SLFN5: variants seen among roughly 807,000 people sequenced by gnomAD.
The protein encoded by SLFN5 is schlafen family member 5.
A neutral mutation model predicts 48.5 loss-of-function variants in SLFN5; 34 were observed. The observed-to-expected ratio is 0.70, with a 90% CI of 0.53 to 0.93. The LOEUF is 0.93. Ranked by LOEUF, SLFN5 falls within the 40% of genes least tolerant of loss-of-function variation. The pLI is 0.00. For synonymous variants in SLFN5, 387 were observed against 396.2 expected (o/e 0.98, Z 0.28); for missense variants, 1,006 against 1,071.3 (o/e 0.94, Z 0.85).
chr17:35,260,480 T>C (rs1258342483), intron 2 of SLFN5, among the ~76,000 whole-genome samples: 1 of 152,056 alleles, frequency 6.6e-6, no homozygotes, highest in African/African-American at 2.4e-5. Flanking sequence ...ACTCCAGCAC[T>C]TTGGGAGGCC....
At position 35,264,908 on chromosome 17, in the gene SLFN5, G is replaced by A. The variant is rs190252725; in HGVS notation, c.1859+5G>A. Reference sequence around the variant, plus strand: ...GCCCCTGAAGAAGTTGGTGAGGTATGCTGCTTGTCTGTGTTCACTTTATTT... The same window carrying A: ...GCCCCTGAAGAAGTTGGTGAGGTATACTGCTTGTCTGTGTTCACTTTATTT... On this transcript the variant is annotated splice_donor_5th_base_variant and intron_variant, in intron 4 of 4. Coordinates refer to ENST00000299977, the MANE Select transcript of SLFN5 (RefSeq NM_144975.4). The A allele has an allele frequency of 3.0e-3, 4,693 of 1,549,988 alleles. 15 individuals are homozygous for A. The highest frequency in any genetic ancestry group is 4.5e-3 in the South Asian group (346 of 77,390).
Position 35,260,193 on chromosome 17 carries a change from C to T in SLFN5, c.1012+491C>T, listed in dbSNP as rs375561815. Among the ~76,000 whole-genome samples, 10 of 152,270 alleles carry T rather than the reference C, an allele frequency of 6.6e-5. No homozygotes were observed. The East Asian group carries it at 1.5e-3, about 23-fold the overall frequency. ...CAAAATATGACCAAATCACGGCTTT[C>T]GCTCTGCTTTCCCATTTTTCCTTTG... On this transcript the variant is annotated intron_variant, in intron 2 of 4. Transcript: ENST00000299977.
At chr17:35,265,036 T>C in intron 4 of SLFN5, 36 bp from the exon 5 acceptor site, 1 of 1,574,972 alleles carries the variant, frequency 6.3e-7, no homozygotes, top group South Asian at 1.2e-5. Context: ...GCTTTCTTTG[T>C]TTCATTGGGG....
rs751252085 is a variant in SLFN5 at position 35,265,086 on chromosome 17, A to G, written c.1874A>G (p.Asn625Ser). Residue 625 changes from asparagine (N) to serine (S), a missense_variant, in exon 5 of 5, where the codon AAC becomes AGC. Physicochemically the swap from Asn to Ser is conservative, Grantham distance 46. Transcript: ENST00000299977. The stretch of plus-strand genomic sequence containing the variant: ...GTTTCTTACAGTTTCAGCAAGAAAA[A>G]CATCTGCCAGCCAGTGACCCGGAAA... ...LKKLVSFSKKNICQPVTRKTF... is the reference protein window; with the variant it reads ...LKKLVSFSKKSICQPVTRKTF... The G allele has an allele frequency of 6.8e-6, 11 of 1,609,282 alleles. No homozygotes were observed. In the Admixed American group the frequency reaches 1.2e-4, roughly 17 times the overall value.
intron 3 of SLFN5, among the ~76,000 whole-genome samples, chr17:35,263,345 G>C (rs1019633962): frequency 1.3e-5 from 2 of 151,542 alleles, no homozygotes; most frequent in African/African-American, 4.8e-5. Flanking sequence ...TGGCCAGGCT[G>C]GTGTTGAACT....
At chr17:35,248,983 G>T (rs2092436628) in intron 1 of SLFN5, among the ~76,000 whole-genome samples, 1 of 151,916 alleles carries the variant, frequency 6.6e-6, no homozygotes, top group South Asian at 2.1e-4. Context: ...AAAAAGTAAG[G>T]CAAAGTCTCC....
chr17:35,254,939 C>A (rs1280999304), intron 1 of SLFN5, among the ~76,000 whole-genome samples: 6 of 152,138 alleles, frequency 3.9e-5, no homozygotes, highest in Non-Finnish European at 8.8e-5. Context: ...ATCACTTGAA[C>A]CCAGGAGGCA....
Position 35,264,575 on chromosome 17 carries a change from T to A in SLFN5, c.1531T>A (p.Leu511Ile), listed in dbSNP as rs372987761. 26 of 1,614,170 alleles carry A rather than the reference T, an allele frequency of 1.6e-5. No individual in the cohort carries two copies. The highest frequency in any genetic ancestry group is 2.0e-5 in the Non-Finnish European group (24 of 1,180,036). ...AGCACAGAGCGTTTACAGTTCGTAT[T>A]TACAAATTTACCCTGAATCCTATAA... Reference protein sequence around the residue: ...RKAQSVYSSYLQIYPESYNFM... With the variant: ...RKAQSVYSSYIQIYPESYNFM... The change falls in exon 4 of 5, where the codon TTA becomes ATA. Residue 511 changes from leucine to isoleucine, a missense_variant. By Grantham distance (5) the Leu-to-Ile change is conservative (BLOSUM62 2). Transcript: ENST00000299977.
intron 1 of SLFN5, among the ~76,000 whole-genome samples, chr17:35,255,774 C>T (rs921504288): frequency 1.5e-4 from 23 of 152,174 alleles, no homozygotes; most frequent in African/African-American, 5.6e-4. Flanking sequence ...TGTATTCACT[C>T]CAGATTAAGA....
rs778987704 is a variant in SLFN5 at position 35,265,349 on chromosome 17, C to T, written c.2137C>T (p.Arg713Cys). 9.9e-6 allele frequency: 16 copies of T among 1,614,006 alleles called. No homozygotes were observed. The highest frequency in any genetic ancestry group is 4.4e-5 in the South Asian group (4 of 91,074). Residue 713 changes from arginine to cysteine, a missense_variant, in exon 5 of 5, where the codon CGC (arginine) becomes TGC (cysteine). Arg to Cys is a radical substitution (Grantham distance 180, BLOSUM62 -3). Coordinates refer to ENST00000299977, the MANE Select transcript of SLFN5 (RefSeq NM_144975.4). ...AAGAGAAGAGATCAACAGAGTGGTC[C>T]GCAATGCAGGTCCAATAGCTAATTA... ...YPREEINRVV[R>C]NAGPIANYLQ...
At chr17:35,252,029 C>A (rs185018021) in intron 1 of SLFN5, among the ~76,000 whole-genome samples, 1 of 151,964 alleles carries the variant, frequency 6.6e-6, no homozygotes, top group Non-Finnish European at 1.5e-5. Flanking sequence ...CTTGCTGGCA[C>A]CAAATTATTT....
At chr17:35,249,014 T>C (rs1597645178) in intron 1 of SLFN5, among the ~76,000 whole-genome samples, 1 of 152,236 alleles carries the variant, frequency 6.6e-6, no homozygotes. Flanking sequence ...ACCCAAATCA[T>C]TTCTAATAAA....
intron 1 of SLFN5, among the ~76,000 whole-genome samples, chr17:35,255,012 G>A (rs778876154): frequency 6.6e-6 from 1 of 152,018 alleles, no homozygotes; most frequent in Admixed American, 6.6e-5. Context: ...GCGAGGCTCT[G>A]TCTCAAAAAA....
At position 35,271,584 on chromosome 17, in the gene SLFN5, AAAG is replaced by A. The variant is rs1232453315; in HGVS notation, c.*5699_*5701del. The A allele has an allele frequency of 6.6e-6, 1 of 152,230 alleles. No individual in the cohort carries two copies. The highest frequency in any genetic ancestry group is 2.4e-5 in the African/African-American group (1 of 41,468). The allele number at this position is 152,230 out of a possible 1,614,324, so 9.4% of individuals were successfully genotyped here. ...ATACAATGAAACTAAAGAGCACAAA[AAAG>A]AACTTAAACAGATAAAAAGCAGACC... On this transcript the variant is annotated 3_prime_UTR_variant, in exon 5 of 5. Transcript: ENST00000299977.
intron 1 of SLFN5, among the ~76,000 whole-genome samples, chr17:35,243,389 G>T (rs1038080369): frequency 2.0e-5 from 3 of 152,226 alleles, no homozygotes; most frequent in African/African-American, 7.2e-5. Context: ...GCGAGCTGGG[G>T]AGGAGGGAGA....
chr17:35,260,186 C>T (rs183316169), intron 2 of SLFN5, among the ~76,000 whole-genome samples: 92 of 152,240 alleles, frequency 6.0e-4, no homozygotes, highest in Non-Finnish European at 8.8e-4. Context: ...GACCAAATCA[C>T]GGCTTTCGCT....
Position 35,265,990 on chromosome 17 carries a change from A to G in SLFN5, c.*102A>G, listed in dbSNP as rs1904673752. ...TAAGCACACACTCACTTATTAAGTCACATACTTTTCTAGGTGCTGGGGATT... is the reference window on the plus strand; with the variant it reads ...TAAGCACACACTCACTTATTAAGTCGCATACTTTTCTAGGTGCTGGGGATT... On this transcript the variant is annotated 3_prime_UTR_variant, in exon 5 of 5. Transcript: ENST00000299977. 1 of 1,276,116 alleles carries G rather than the reference A, an allele frequency of 7.8e-7. No homozygotes were observed. The highest frequency in any genetic ancestry group is 1.1e-6 in the Non-Finnish European group (1 of 940,146). 79.0% of individuals were successfully genotyped at this position (1,276,116 alleles called of 1,614,324 possible). A position where few individuals can be genotyped will look rare whatever the true frequency, so the allele number is the denominator to read the frequency against.
In SLFN5 at chr17:35,264,524, G is replaced by A; in HGVS notation, c.1480G>A (p.Val494Ile). The change falls in exon 4 of 5, where the codon GTC becomes ATC. Residue 494 changes from valine (V) to isoleucine (I), a missense_variant. Coordinates refer to ENST00000299977, the MANE Select transcript of SLFN5 (RefSeq NM_144975.4). ...TGGGAGGTTATGCATCACCCCCTTG[G>A]TCTGTGTGCTGAATTCTGATAGAAA... is the stretch of plus-strand genomic sequence containing the variant. ...YTGRLCITPL[V>I]CVLNSDRKAQ... 2 of 1,614,150 alleles carry A rather than the reference G, an allele frequency of 1.2e-6. No homozygotes were observed. The highest frequency in any genetic ancestry group is 1.7e-6 in the Non-Finnish European group (2 of 1,180,024).
chr17:35,251,620 T>C (rs2092442630), intron 1 of SLFN5, among the ~76,000 whole-genome samples: 1 of 150,914 alleles, frequency 6.6e-6, no homozygotes, highest in Non-Finnish European at 1.5e-5. Flanking sequence ...TTAGCCAGGA[T>C]GGTCTCAATC....
Sources: gnomAD v4.1 joint callset for allele counts (sites outside exome capture counted in the v4.1 genomes callset) on GRCh38, gnomAD v4.1.1 for gene constraint, MANE v1.5 for transcripts, NCBI Gene and HGNC (gene_info 2026-07-23, HGNC 2026-07-21) for gene names.